KLHL13: variants seen among roughly 807,000 people sequenced by gnomAD.
KLHL13 encodes kelch like family member 13, also known as kelch-like protein 13.
Under a neutral mutation model 37.1 loss-of-function variants are expected in KLHL13, and 10 were observed. That is an observed-to-expected ratio of 0.27 (90% CI 0.17 to 0.46). The LOEUF is 0.46. Ranked by LOEUF, KLHL13 falls within the 20% of genes least tolerant of loss-of-function variation. The probability of loss-of-function intolerance (pLI) is 1.00; values close to 1 mark genes in which losing one functional copy is unlikely to be tolerated. For synonymous variants in KLHL13, 163 were observed against 181.2 expected (o/e 0.90, Z 0.81); for missense variants, 360 against 509.3 (o/e 0.71, Z 2.82).
rs192213086 is a variant in KLHL13, at chrX:118,001,709, C to T, written c.-55-56134G>A. Among the ~76,000 whole-genome samples, 16 of 109,545 alleles carry T rather than the reference C, an allele frequency of 1.5e-4. No individual in the cohort carries two copies. In the East Asian group the frequency reaches 2.9e-3, roughly 20 times the overall value. Reference sequence around the variant, plus strand: ...TGAAACCGTGTCTCTACCAAAAATACGAAAAATTAGCTGGGCATGGTGGCA... The same window carrying T: ...TGAAACCGTGTCTCTACCAAAAATATGAAAAATTAGCTGGGCATGGTGGCA... On this transcript the variant is annotated intron_variant, in intron 1 of 6. Transcript: ENST00000371882.
chrX:118,089,580 GAAAAGAAA>G (rs2055094393), intron 1 of KLHL13, among the ~76,000 whole-genome samples: 1 of 56,432 alleles, frequency 1.8e-5, no homozygotes, highest in African/African-American at 7.2e-5. Context: ...AGAAAGAAAA[GAAAAGAAA>G]AGAGAGAGAG....
At chrX:117,937,571 T>G (rs1187188796) in intron 2 of KLHL13, among the ~76,000 whole-genome samples, 1 of 111,416 alleles carries the variant, frequency 9.0e-6, no homozygotes, top group Non-Finnish European at 1.9e-5. Flanking sequence ...AATTAAACAT[T>G]ATAGGATTTT....
chrX:118,053,228 T>G (rs1436019804), intron 1 of KLHL13, among the ~76,000 whole-genome samples: 1 of 111,852 alleles, frequency 8.9e-6, no homozygotes, highest in Non-Finnish European at 1.9e-5. Flanking sequence ...TAGCAAAGAC[T>G]TGGAACCAAC....
intron 1 of KLHL13, chrX:117,947,952 AAC>A (rs1418125940): frequency 2.7e-5 from 3 of 112,401 alleles, no homozygotes; most frequent in Non-Finnish European, 3.8e-5. Flanking sequence ...GAAAAAAAAT[AAC>A]AGTTTTTAAT....
intron 1 of KLHL13, among the ~76,000 whole-genome samples, chrX:118,021,166 T>C (rs1436087035): frequency 9.2e-6 from 1 of 108,337 alleles, no homozygotes; most frequent in Non-Finnish European, 1.9e-5. Flanking sequence ...GTATTTTTTG[T>C]TCGATATCTG....
intron 1 of KLHL13, among the ~76,000 whole-genome samples, chrX:118,115,114 C>T (rs2055453636): frequency 8.9e-6 from 1 of 112,552 alleles, no homozygotes; most frequent in African/African-American, 3.2e-5. Flanking sequence ...TTAATAAGAA[C>T]TTGCAGTTAA....
rs144010100 is a variant in KLHL13, at chrX:118,023,918, C to T, written c.-55-78343G>A. Among the ~76,000 whole-genome samples the T allele has an allele frequency of 3.9e-3, 434 of 112,119 alleles. 4 individuals are homozygous for T. Among genetic ancestry groups the T allele is most frequent in the African/African-American group, 0.012 (364 of 30,891 alleles). ...CTGACCCATAATTTGTATATGCATG[C>T]AAGCAACGTTTTGCTCAGGTTTTGA... is the stretch of plus-strand genomic sequence containing the variant. On this transcript the variant is annotated intron_variant, in intron 1 of 6. Coordinates refer to the KLHL13 transcript ENST00000371882.
At chrX:118,018,605 T>C (rs1427304174) in intron 1 of KLHL13, among the ~76,000 whole-genome samples, 3 of 111,720 alleles carry the variant, frequency 2.7e-5, no homozygotes, top group Non-Finnish European at 1.9e-5. Flanking sequence ...TTGGAAATAA[T>C]GTATCTCTTC....
chrX:117,994,428 T>C (rs1356483462), intron 1 of KLHL13, among the ~76,000 whole-genome samples: 2 of 110,825 alleles, frequency 1.8e-5, no homozygotes, highest in Non-Finnish European at 3.8e-5. Context: ...AATTTTTTTA[T>C]TTTTTTAGAG....
At chrX:117,983,219 C>A (rs2053683449) in intron 1 of KLHL13, among the ~76,000 whole-genome samples, 1 of 111,270 alleles carries the variant, frequency 9.0e-6, no homozygotes, top group Non-Finnish European at 1.9e-5. Flanking sequence ...GCTTTCCTTG[C>A]CCGTCTCACA....
chrX:118,043,666 A>G (rs2054529236), intron 1 of KLHL13, among the ~76,000 whole-genome samples: 1 of 112,051 alleles, frequency 8.9e-6, no homozygotes. Flanking sequence ...ATAATGAAAA[A>G]GTATTTGATA....
intron 1 of KLHL13, among the ~76,000 whole-genome samples, chrX:117,979,209 G>A (rs923552568): frequency 8.9e-6 from 1 of 112,251 alleles, no homozygotes; most frequent in African/African-American, 3.2e-5. Context: ...TGGGATTACA[G>A]GCGTGAGCCA....
intron 1 of KLHL13, among the ~76,000 whole-genome samples, chrX:118,072,226 G>C (rs1247733790): frequency 1.8e-5 from 2 of 110,528 alleles, no homozygotes; most frequent in Non-Finnish European, 3.8e-5. Context: ...ACAAGCAATG[G>C]GGAAAGGATT....
chrX:117,945,315 A>G (rs1332015400), intron 2 of KLHL13, 119 bp downstream of exon 3: 14 of 668,145 alleles, frequency 2.1e-5, no homozygotes, highest in East Asian at 2.1e-4. Context: ...GTTACCATAC[A>G]TTTCCTATTC....
At chrX:118,049,705 G>A (rs751241856) in intron 1 of KLHL13, among the ~76,000 whole-genome samples, 1 of 111,161 alleles carries the variant, frequency 9.0e-6, no homozygotes, top group East Asian at 2.8e-4. Context: ...ATTTCAGAAC[G>A]CTCATTTTAA....
At chrX:118,110,985 A>C (rs1483889101) in intron 1 of KLHL13, among the ~76,000 whole-genome samples, 2 of 112,259 alleles carry the variant, frequency 1.8e-5, no homozygotes, top group Non-Finnish European at 3.8e-5. Flanking sequence ...CCAGTCCTCT[A>C]TTTACAGTTA....
At chrX:117,958,977 G>T (rs193290593) in intron 1 of KLHL13, among the ~76,000 whole-genome samples, 85 of 110,908 alleles carry the variant, frequency 7.7e-4, no homozygotes, top group South Asian at 1.5e-3. Flanking sequence ...CTATCTGCAG[G>T]GCTGGATCAG....
In KLHL13 at chrX:118,019,589, T is replaced by A. The variant is rs28790721; in HGVS notation, c.-55-74014A>T. Among the ~76,000 whole-genome samples, 600 of 111,487 alleles carry A rather than the reference T, an allele frequency of 5.4e-3. 5 individuals carry two copies. Among genetic ancestry groups the A allele is most frequent in the African/African-American group, 0.017 (518 of 30,502 alleles). On this transcript the variant is annotated intron_variant, in intron 1 of 6. Transcript: ENST00000371882. ...GCCCATGCCTATGTTCTGAATGGTATTGCCTAGGTTTCCTTCTAGGGTTTT... is the reference window on the plus strand; with the variant it reads ...GCCCATGCCTATGTTCTGAATGGTAATGCCTAGGTTTCCTTCTAGGGTTTT...
intron 1 of KLHL13, among the ~76,000 whole-genome samples, chrX:118,101,824 CTT>C (rs764696363): frequency 5.1e-4 from 57 of 111,667 alleles, no homozygotes; most frequent in Non-Finnish European, 1.0e-3. Context: ...CTCCTTCACT[CTT>C]CTCTCTCCTG....
Sources: gnomAD v4.1 joint callset for allele counts (sites outside exome capture counted in the v4.1 genomes callset) on GRCh38, gnomAD v4.1.1 for gene constraint, MANE v1.5 for transcripts, NCBI Gene and HGNC (gene_info 2026-07-23, HGNC 2026-07-21) for gene names.